Variants in SUPT5H observed in about 807,000 individuals in gnomAD.
SUPT5H encodes the protein SPT5 homolog, DSIF elongation factor subunit.
SUPT5H carries 24 observed loss-of-function variants against 142.5 expected under a neutral mutation model. The observed-to-expected ratio is 0.17, with a 90% CI of 0.12 to 0.24. SUPT5H has a LOEUF of 0.24. SUPT5H is among the 10% of genes least tolerant of loss of function. SUPT5H has a pLI of 1.00. For missense variants in SUPT5H, 893 were observed against 1,471.8 expected (o/e 0.61, Z 6.43); for synonymous variants, 546 against 553.0 (o/e 0.99, Z 0.18).
intron 10 of SUPT5H, 36 bp from the exon 11 acceptor site, chr19:39,464,762 C>T (rs761705445): frequency 6.4e-7 from 1 of 1,562,600 alleles, no homozygotes; most frequent in Non-Finnish European, 8.7e-7. Flanking sequence ...GCCGTTGTGT[C>T]TCACTGTTTC....
rs1265725162 is a variant in SUPT5H, at chr19:39,466,134, A to C, written c.877-346A>C. On this transcript the variant is annotated intron_variant, in intron 11 of 29. Coordinates refer to ENST00000432763, the MANE Select transcript of SUPT5H (RefSeq NM_001111020.3). This position sits in a 1 kb window ranked among gnomAD's most constrained non-coding sequence, Gnocchi z 4.3. ...TGCCAACGGGTCGGGTGTGGGTGTA[A>C]GAGAAACAAAGGAGTCAAGAGTGGC... Among the ~76,000 whole-genome samples, 1 of 152,108 alleles carries C rather than the reference A, an allele frequency of 6.6e-6. No homozygotes were observed.
At position 39,473,371 on chromosome 19, in the gene SUPT5H, C is replaced by T. The variant is rs1600726241; in HGVS notation, c.2386+41C>T. ...GGACAGGGAAGAGGGGCTAGGGGGA[C>T]CTAGAGAAGGGACAGGACAGACACA... On this transcript the variant is annotated intron_variant, in intron 24 of 29. Transcript: ENST00000432763. This position sits in a 1 kb window ranked among gnomAD's most constrained non-coding sequence, Gnocchi z 5.8. 6 of 1,613,394 alleles carry T rather than the reference C, an allele frequency of 3.7e-6. No homozygotes were observed. Among genetic ancestry groups the T allele is most frequent in the Admixed American group, 1.7e-5 (1 of 59,996 alleles).
chr19:39,466,335 G>T lies in SUPT5H; in HGVS notation c.877-145G>T, dbSNP rs774202811. 2.2e-5 allele frequency: 16 copies of T among 711,118 alleles called. No individual in the cohort carries two copies. The highest frequency in any genetic ancestry group is 3.4e-5 in the Non-Finnish European group (14 of 407,264). 44.1% of individuals were successfully genotyped at this position (711,118 alleles called of 1,614,324 possible). A position where few individuals can be genotyped will look rare whatever the true frequency, so the allele number is the denominator to read the frequency against. On this transcript the variant is annotated intron_variant, in intron 11 of 29. Transcript: ENST00000432763. The surrounding 1 kb of genome is among the most constrained non-coding windows in gnomAD (Gnocchi z 4.3). ...GAGTTGAGGGGACAGACAAGCTAGC[G>T]TGGGACTTTTGGGAGTGGTCAGCAG... is the stretch of plus-strand genomic sequence containing the variant.
At position 39,469,898 on chromosome 19, in the gene SUPT5H, G is replaced by C; in HGVS notation, c.1375-221G>C. 1.7e-6 allele frequency: 1 copy of C among 573,594 alleles called. No individual in the cohort carries two copies. Among genetic ancestry groups the C allele is most frequent in the Non-Finnish European group, 3.0e-6 (1 of 328,418 alleles). 35.5% of individuals were successfully genotyped at this position (573,594 alleles called of 1,614,324 possible). On this transcript the variant is annotated intron_variant, in intron 16 of 29. Transcript: ENST00000432763. This position sits in a 1 kb window ranked among gnomAD's most constrained non-coding sequence, Gnocchi z 5.1. ...TAGGCATCGTGTGTCTTGAGGGCGG[G>C]CTGGGGTAAAGGTTGTCCAGGTTGG...
At position 39,466,772 on chromosome 19, in the gene SUPT5H, C is replaced by T. The variant is rs2079243880; in HGVS notation, c.1037+27C>T. On this transcript the variant is annotated intron_variant, in intron 13 of 29. Transcript: ENST00000432763. This position sits in a 1 kb window ranked among gnomAD's most constrained non-coding sequence, Gnocchi z 4.3. Reference sequence around the variant, plus strand: ...TGCGTGTCCTTGGGGACTGGCTGGGCTGGGTCCCCAGGGCCGGTGTGTAGA... The same window carrying T: ...TGCGTGTCCTTGGGGACTGGCTGGGTTGGGTCCCCAGGGCCGGTGTGTAGA... The T allele has an allele frequency of 1.2e-6, 2 of 1,610,902 alleles. No homozygotes were observed. Among genetic ancestry groups the T allele is most frequent in the South Asian group, 1.1e-5 (1 of 91,022 alleles).
At chr19:39,475,857 C>A in intron 28 of SUPT5H, 1 of 569,632 alleles carries the variant, frequency 1.8e-6, no homozygotes, top group Non-Finnish European at 3.1e-6. Flanking sequence ...TCCTTTTTGC[C>A]TGTTAGCTTC....
Position 39,457,728 on chromosome 19 carries a change from A to C in SUPT5H, c.295A>C (p.Ile99Leu). The C allele has an allele frequency of 6.2e-7, 1 of 1,614,160 alleles. No individual in the cohort carries two copies. Among genetic ancestry groups the C allele is most frequent in the Non-Finnish European group, 8.5e-7 (1 of 1,180,018 alleles). Residue 99 changes from isoleucine (I) to leucine (L), a missense_variant, in exon 4 of 30, where the codon ATT (isoleucine) becomes CTT (leucine). Coordinates refer to ENST00000432763, the MANE Select transcript of SUPT5H (RefSeq NM_001111020.3). ...EDQWEDGAED[I>L]LEKEEIEASN... is the part of the protein sequence containing the mutation. ...CCAGTGGGAGGATGGAGCAGAGGACATTCTAGAGAAAGGTGTGTGTGAGCC... is the reference window on the plus strand; with the variant it reads ...CCAGTGGGAGGATGGAGCAGAGGACCTTCTAGAGAAAGGTGTGTGTGAGCC...
At chr19:39,451,176 T>A (rs912686349) in intron 2 of SUPT5H, among the ~76,000 whole-genome samples, 1 of 149,474 alleles carries the variant, frequency 6.7e-6, no homozygotes, top group African/African-American at 2.5e-5. Context: ...AACATTTACT[T>A]TGAGCATGAC....
chr19:39,472,373 C>A lies in SUPT5H; in HGVS notation c.1951-36C>A. ...TCCTGTGGTTTGTGGTTCCCCCATC[C>A]CCTGCCTGCCAGTTCACTCCTTGCT... On this transcript the variant is annotated intron_variant, in intron 20 of 29. Transcript: ENST00000432763. The surrounding 1 kb of genome is among the most constrained non-coding windows in gnomAD (Gnocchi z 4.2). 1.2e-6 allele frequency: 2 copies of A among 1,605,890 alleles called. No individual in the cohort carries two copies. Among genetic ancestry groups the A allele is most frequent in the Non-Finnish European group, 1.7e-6 (2 of 1,173,136 alleles).
At chr19:39,457,987 A>T in intron 4 of SUPT5H, 1 of 799,626 alleles carries the variant, frequency 1.3e-6, no homozygotes, top group Admixed American at 2.1e-5. Flanking sequence ...GGCCCAGTGA[A>T]TCCCTTCTGG....
intron 2 of SUPT5H, 135 bp downstream of exon 2, chr19:39,446,100 A>G: frequency 1.0e-6 from 1 of 999,304 alleles, no homozygotes; most frequent in Admixed American, 2.2e-5. Context: ...CAAGAGATAG[A>G]GAATTAGGCA....
intron 8 of SUPT5H, 113 bp downstream of exon 8, chr19:39,459,362 G>A (rs2079131877): frequency 4.3e-6 from 6 of 1,394,058 alleles, no homozygotes; most frequent in Middle Eastern, 2.0e-4. Flanking sequence ...CACAGGCAGT[G>A]TGGTGGATGG....
chr19:39,451,436 T>A (rs2079020926), intron 2 of SUPT5H, among the ~76,000 whole-genome samples: 1 of 151,946 alleles, frequency 6.6e-6, no homozygotes, highest in Non-Finnish European at 1.5e-5. Context: ...CCTCAGGTGA[T>A]CCGCGCGAGC....
At position 39,458,388 on chromosome 19, in the gene SUPT5H, G is replaced by T; in HGVS notation, c.319+83G>T. On this transcript the variant is annotated intron_variant, in intron 5 of 29. Coordinates refer to ENST00000432763, the MANE Select transcript of SUPT5H (RefSeq NM_001111020.3). The surrounding 1 kb of genome is among the most constrained non-coding windows in gnomAD (Gnocchi z 4.2). ...CTTCCTGAGGCACCTGCCCTCACCG[G>T]TAGCCTCCCCACCAGCCCCGGTCTG... 1 of 1,597,240 alleles carries T rather than the reference G, an allele frequency of 6.3e-7. No homozygotes were observed. The highest frequency in any genetic ancestry group is 2.2e-5 in the East Asian group (1 of 44,798).
rs2079119305 is a variant in SUPT5H at position 39,458,374 on chromosome 19, A to G, written c.319+69A>G. The stretch of plus-strand genomic sequence containing the variant: ...CCTGACATTTCCTCCTTCCTGAGGC[A>G]CCTGCCCTCACCGGTAGCCTCCCCA... On this transcript the variant is annotated intron_variant, in intron 5 of 29. Transcript: ENST00000432763. This position sits in a 1 kb window ranked among gnomAD's most constrained non-coding sequence, Gnocchi z 4.2. The G allele has an allele frequency of 6.2e-7, 1 of 1,600,184 alleles. No homozygotes were observed. The highest frequency in any genetic ancestry group is 1.7e-5 in the Admixed American group (1 of 59,410).
chr19:39,461,811 G>A (rs1218074645), intron 10 of SUPT5H, among the ~76,000 whole-genome samples: 2 of 132,558 alleles, frequency 1.5e-5, no homozygotes, highest in African/African-American at 5.8e-5. Context: ...GCAACAGAGC[G>A]AGACTGTCTC....
At chr19:39,468,127 G>A (rs1358714155) in intron 13 of SUPT5H, 1 of 152,898 alleles carries the variant, frequency 6.5e-6, no homozygotes, top group East Asian at 1.9e-4. Context: ...CAGGCACTAA[G>A]CGGCCGCCAC....
intron 2 of SUPT5H, among the ~76,000 whole-genome samples, chr19:39,449,862 A>G (rs2078999172): frequency 6.6e-6 from 1 of 151,414 alleles, no homozygotes; most frequent in African/African-American, 2.4e-5. Context: ...GTGGTCTCAG[A>G]ACTCCTGACC....
At position 39,457,670 on chromosome 19, in the gene SUPT5H, T is replaced by C. The variant is rs1442006372; in HGVS notation, c.242-5T>C. The C allele has an allele frequency of 2.5e-6, 4 of 1,613,152 alleles. No homozygotes were observed. The highest frequency in any genetic ancestry group is 1.7e-5 in the Admixed American group (1 of 59,946). On this transcript the variant is annotated splice_polypyrimidine_tract_variant and splice_region_variant and intron_variant, in intron 3 of 29. Coordinates refer to ENST00000432763, the MANE Select transcript of SUPT5H (RefSeq NM_001111020.3). The stretch of plus-strand genomic sequence containing the variant: ...GCCACTTACCACTTGGCCTTTCCGT[T>C]TTAGATGTTGACGATGAGTATGAGG...
Sources: gnomAD v4.1 joint callset for allele counts (sites outside exome capture counted in the v4.1 genomes callset) on GRCh38, gnomAD v4.1.1 for gene constraint, Gnocchi (gnomAD v3.1) non-coding constraint, MANE v1.5 for transcripts, NCBI Gene and HGNC (gene_info 2026-07-23, HGNC 2026-07-21) for gene names.